C2orf74: variants seen among roughly 807,000 people sequenced by gnomAD.
The protein encoded by C2orf74 is DPM1 ER membrane anchor 1.
Under a neutral mutation model 17.9 loss-of-function variants are expected in C2orf74, and 14 were observed. The observed-to-expected ratio is 0.78, with a 90% CI of 0.52 to 1.22. The LOEUF (loss-of-function observed/expected upper bound fraction) is 1.22. Ranked by LOEUF, C2orf74 falls within the 50% of genes most tolerant of loss-of-function variation. The pLI is 0.00. For synonymous variants in C2orf74, 79 were observed against 72.6 expected (o/e 1.09, Z -0.44); for missense variants, 217 against 218.4 (o/e 0.99, Z 0.04).
rs1250334492 is a variant in C2orf74, at chr2:61,162,926, G to A, written c.180G>A (p.Val60=). Residue 60 remains valine, a synonymous_variant, in exon 3 of 5, where the codon GTG becomes GTA. Transcript: ENST00000432605. The part of the protein sequence containing the change: ...NGGVDCAAAK[V]VTSNPEDHER... ...GTGTAGACTGTGCAGCTGCCAAAGT[G>A]GTGACAAGCAATCCAGAGGACCATG... is the stretch of plus-strand genomic sequence containing the variant. The A allele has an allele frequency of 6.4e-7, 1 of 1,552,564 alleles. No homozygotes were observed. Among genetic ancestry groups the A allele is most frequent in the Admixed American group, 2.0e-5 (1 of 51,006 alleles).
chr2:61,149,369 G>A (rs942194417), intron 1 of C2orf74, among the ~76,000 whole-genome samples: 4 of 151,964 alleles, frequency 2.6e-5, no homozygotes, highest in African/African-American at 9.7e-5. Context: ...GCAGACCTTC[G>A]TTCTATTCCA....
intron 1 of C2orf74, among the ~76,000 whole-genome samples, chr2:61,150,722 G>A (rs2105015720): frequency 6.6e-6 from 1 of 152,322 alleles, no homozygotes; most frequent in East Asian, 1.9e-4. Context: ...AGGAGGTAGA[G>A]GGGGCAAGAA....
intron 4 of C2orf74, 47 bp downstream of exon 4, chr2:61,163,279 T>C: frequency 2.0e-6 from 3 of 1,524,832 alleles, no homozygotes; most frequent in East Asian, 2.4e-5. Flanking sequence ...ATTTGTTTGA[T>C]TGAAAATAAG....
rs1408022321 is a variant in C2orf74, at chr2:61,162,823, G to C, written c.96-19G>C. 6.5e-7 allele frequency: 1 copy of C among 1,541,820 alleles called. No homozygotes were observed. The highest frequency in any genetic ancestry group is 1.4e-5 in the African/African-American group (1 of 72,786). On this transcript the variant is annotated intron_variant, in intron 2 of 4. Transcript: ENST00000432605. The stretch of plus-strand genomic sequence containing the variant: ...GGGCCATTCTTCCTTTTCTGAATTT[G>C]TGGCTTGTTTGTTTTCAGTTTCCAA...
intron 1 of C2orf74, chr2:61,152,224 A>G (rs1391836574): frequency 2.6e-5 from 4 of 152,302 alleles, no homozygotes; most frequent in Non-Finnish European, 4.4e-5. Flanking sequence ...GCTACCTGGT[A>G]ACCTGACTGT....
intron 1 of C2orf74, among the ~76,000 whole-genome samples, chr2:61,154,217 A>T (rs1256794009): frequency 6.9e-6 from 1 of 145,268 alleles, no homozygotes; most frequent in Non-Finnish European, 1.5e-5. Flanking sequence ...CTGGGCAATA[A>T]GAGCGAAATT....
At chr2:61,146,837 CA>C (rs143624046) in intron 1 of C2orf74, among the ~76,000 whole-genome samples, 66,096 of 143,666 alleles carry the variant, frequency 0.46, 14,863 homozygotes, top group Middle Eastern at 0.54. Context: ...GACTTCGTCT[CA>C]AAAAAAAAAA....
intron 1 of C2orf74, among the ~76,000 whole-genome samples, chr2:61,151,126 G>A (rs1380804583): frequency 6.6e-6 from 1 of 151,762 alleles, no homozygotes; most frequent in East Asian, 1.9e-4. Flanking sequence ...GACCAGCCTG[G>A]CCAAGATGGT....
At chr2:61,150,020 GTGTTAT>G in intron 1 of C2orf74, among the ~76,000 whole-genome samples, 1 of 152,248 alleles carries the variant, frequency 6.6e-6, no homozygotes, top group South Asian at 2.1e-4. Context: ...GACTAGGTAG[GTGTTAT>G]GGTCATGTTG....
chr2:61,163,049 T>C lies in C2orf74; in HGVS notation c.210-3T>C. On this transcript the variant is annotated splice_region_variant and splice_polypyrimidine_tract_variant and intron_variant, in intron 3 of 4. Coordinates refer to ENST00000432605, the MANE Select transcript of C2orf74 (RefSeq NM_001143959.4). Reference sequence around the variant, plus strand: ...TTTAAAACTCTACCGATTAATTTTCTAGGATCTTAATGCAAGTCATGAACT... The same window carrying C: ...TTTAAAACTCTACCGATTAATTTTCCAGGATCTTAATGCAAGTCATGAACT... The C allele has an allele frequency of 6.4e-7, 1 of 1,552,122 alleles. No individual in the cohort carries two copies. Among genetic ancestry groups the C allele is most frequent in the South Asian group, 1.2e-5 (1 of 84,050 alleles).
rs531811185 is a variant in C2orf74, at chr2:61,155,499, A to G, written c.-121-7343A>G. The stretch of plus-strand genomic sequence containing the variant: ...TAATGAGATGGATTATAAAGAAATC[A>G]AGGCTTTTTGTTTGTTTGTTTGTTT... On this transcript the variant is annotated intron_variant, in intron 1 of 3. Coordinates refer to the C2orf74 transcript ENST00000426997. Among the ~76,000 whole-genome samples, 13 of 137,778 alleles carry G rather than the reference A, an allele frequency of 9.4e-5. No individual in the cohort carries two copies. In the East Asian group the frequency reaches 2.9e-3, roughly 30 times the overall value. The allele number at this position is 137,778 out of a possible 152,430, so 90.4% of individuals were successfully genotyped here.
upstream of C2orf74, chr2:61,157,965 G>A (rs1665258): frequency 0.39 from 184,930 of 470,550 alleles, 37,865 homozygotes; most frequent in Middle Eastern, 0.49. Flanking sequence ...CTGTCACCAC[G>A]AGTGGACACC....
intron 4 of C2orf74, among the ~76,000 whole-genome samples, chr2:61,163,894 T>C (rs1685649714): frequency 6.6e-6 from 1 of 152,078 alleles, no homozygotes; most frequent in African/African-American, 2.4e-5. Flanking sequence ...CTGTTTCCAA[T>C]GAGAAAACGA....
At chr2:61,146,442 T>G (rs1685071698) in intron 1 of C2orf74, among the ~76,000 whole-genome samples, 1 of 152,212 alleles carries the variant, frequency 6.6e-6, no homozygotes, top group African/African-American at 2.4e-5. Context: ...GACTTCTCAA[T>G]GTATTCCTCA....
In C2orf74 at chr2:61,163,183, T is replaced by C. The variant is rs1685620141; in HGVS notation, c.341T>C (p.Ile114Thr). ...RDMEAEEENQINEKQEPENAG... is the reference protein window; with the variant it reads ...RDMEAEEENQTNEKQEPENAG... ...ATGGAGGCAGAAGAGGAGAACCAAA[T>C]AAATGAGAAGCAAGAGCCTGAGAAT... Residue 114 changes from isoleucine (I) to threonine (T), a missense_variant, in exon 4 of 5, where the codon ATA (isoleucine) becomes ACA (threonine). By Grantham distance (89) the Ile-to-Thr change is moderately conservative (BLOSUM62 -1). Transcript: ENST00000432605. The C allele has an allele frequency of 1.9e-6, 3 of 1,552,274 alleles. No homozygotes were observed. The highest frequency in any genetic ancestry group is 1.7e-6 in the Non-Finnish European group (2 of 1,147,096).
chr2:61,152,979 C>G (rs1218114949), intron 1 of C2orf74, among the ~76,000 whole-genome samples: 1 of 151,016 alleles, frequency 6.6e-6, no homozygotes, highest in South Asian at 2.1e-4. Flanking sequence ...ATGGAGAAAC[C>G]CCGTCTCTAC....
chr2:61,153,149 CAAAAAAAAA>C (rs1166347493), intron 1 of C2orf74, among the ~76,000 whole-genome samples: 1 of 56,218 alleles, frequency 1.8e-5, no homozygotes, highest in Non-Finnish European at 3.8e-5. Context: ...ACTCCGTCTC[CAAAAAAAAA>C]AAAAAAAAAC....
intron 1 of C2orf74, among the ~76,000 whole-genome samples, chr2:61,146,885 C>A (rs1348758497): frequency 6.6e-6 from 1 of 151,056 alleles, no homozygotes; most frequent in Non-Finnish European, 1.5e-5. Flanking sequence ...GTGTGTGGCT[C>A]ACACCTCTAA....
chr2:61,154,571 G>A (rs1352334541), intron 1 of C2orf74, among the ~76,000 whole-genome samples: 1 of 152,170 alleles, frequency 6.6e-6, no homozygotes, highest in African/African-American at 2.4e-5. Context: ...AGGGGAAACT[G>A]GGTGTGAGGT....
Sources: allele counts gnomAD v4.1 joint callset (sites outside exome capture counted in the v4.1 genomes callset), GRCh38; gene constraint gnomAD v4.1.1; transcripts MANE v1.5; gene names NCBI Gene and HGNC (gene_info 2026-07-23, HGNC 2026-07-21).